Variants in CTBP2 observed in about 807,000 individuals in gnomAD.
The protein encoded by CTBP2 is C-terminal-binding protein 2.
Under a neutral mutation model 80.3 loss-of-function variants are expected in CTBP2, and 30 were observed. That is an observed-to-expected ratio of 0.37 (90% CI 0.28 to 0.51). CTBP2 has a LOEUF of 0.51. Among genes scored for constraint, CTBP2 ranks in the 20% least tolerant of loss-of-function variants. The pLI is 0.93. For missense variants in CTBP2, 1,212 were observed against 1,375.3 expected, an observed-to-expected ratio of 0.88 and a Z score of 1.88; for synonymous variants, 594 against 587.4, an observed-to-expected ratio of 1.01 and a Z score of -0.16.
At chr10:125,124,995 G>A (rs1223653819) in intron 1 of CTBP2, among the ~76,000 whole-genome samples, 1 of 152,168 alleles carries the variant, frequency 6.6e-6, no homozygotes, top group Non-Finnish European at 1.5e-5. Context: ...CAGACGCACG[G>A]CACTCAGATG....
intron 2 of CTBP2, among the ~76,000 whole-genome samples, chr10:125,051,015 C>A (rs979378282): frequency 3.3e-5 from 5 of 152,184 alleles, no homozygotes; most frequent in Non-Finnish European, 7.3e-5. Flanking sequence ...TCGTGAGCTA[C>A]CATCAGGGAT....
At chr10:125,061,863 G>A (rs564449546) in intron 2 of CTBP2, among the ~76,000 whole-genome samples, 2 of 152,286 alleles carry the variant, frequency 1.3e-5, no homozygotes, top group Admixed American at 1.3e-4. Flanking sequence ...CACTGTTCCC[G>A]TCACTTTGCA....
At chr10:125,009,487 C>T (rs77610480) in intron 1 of CTBP2, among the ~76,000 whole-genome samples, 2,953 of 152,316 alleles carry the variant, frequency 0.019, 105 homozygotes, top group African/African-American at 0.066. Context: ...AATATCCCAC[C>T]GATCCCACCA....
chr10:125,001,807 G>T (rs1184594881), intron 3 of CTBP2, among the ~76,000 whole-genome samples: 1 of 152,158 alleles, frequency 6.6e-6, no homozygotes, highest in African/African-American at 2.4e-5. Context: ...GTGCTGCCCC[G>T]ACTGGCCGTG....
At chr10:125,034,081 A>C (rs10901851) in intron 3 of CTBP2, among the ~76,000 whole-genome samples, 29,770 of 152,214 alleles carry the variant, frequency 0.2, 3,624 homozygotes, top group East Asian at 0.28. Context: ...AGTGGTGAGT[A>C]TGAAGACATC....
intron 2 of CTBP2, chr10:125,100,495 C>T (rs1475095441): frequency 1.3e-5 from 2 of 151,908 alleles, no homozygotes; most frequent in East Asian, 1.9e-4. Context: ...CGTGCACACA[C>T]GTACACAAAT....
At chr10:125,112,430 GTTT>G (rs59714965) in intron 1 of CTBP2, among the ~76,000 whole-genome samples, 2 of 92,342 alleles carry the variant, frequency 2.2e-5, no homozygotes, top group African/African-American at 7.7e-5. Context: ...TACCTTTTTC[GTTT>G]TTTTTTTTTT....
At chr10:125,149,137 C>T (rs1170499184) in intron 1 of CTBP2, among the ~76,000 whole-genome samples, 1 of 152,160 alleles carries the variant, frequency 6.6e-6, no homozygotes, top group African/African-American at 2.4e-5. Context: ...ACAGGGGACA[C>T]ACCATAGACA....
At chr10:125,023,712 T>C (rs1034556352) in intron 1 of CTBP2, among the ~76,000 whole-genome samples, 3 of 152,214 alleles carry the variant, frequency 2.0e-5, no homozygotes, top group Non-Finnish European at 4.4e-5. Flanking sequence ...AATAGGAGCC[T>C]ATTGTGTGTA....
At chr10:125,114,711 G>T (rs1852911327) in intron 1 of CTBP2, among the ~76,000 whole-genome samples, 1 of 152,128 alleles carries the variant, frequency 6.6e-6, no homozygotes, top group Admixed American at 6.5e-5. Context: ...CCTTCCAGGA[G>T]GACTGGGCCT....
intron 2 of CTBP2, among the ~76,000 whole-genome samples, chr10:125,065,750 G>A (rs921918614): frequency 6.6e-6 from 1 of 152,132 alleles, no homozygotes; most frequent in Non-Finnish European, 1.5e-5. Flanking sequence ...AAGAAGCTGA[G>A]GGTCACTGTC....
chr10:125,045,689 C>T (rs550291084), intron 2 of CTBP2, among the ~76,000 whole-genome samples: 3 of 152,316 alleles, frequency 2.0e-5, no homozygotes, highest in South Asian at 4.1e-4. Flanking sequence ...CAGGGTTTCA[C>T]CACGTTGGCC....
chr10:125,008,175 A>G (rs575986615), intron 1 of CTBP2, among the ~76,000 whole-genome samples: 1 of 152,264 alleles, frequency 6.6e-6, no homozygotes, highest in South Asian at 2.1e-4. Context: ...CGAACCCCTG[A>G]CCTCAGGTGA....
At chr10:125,100,989 C>G (rs1850531258) in intron 2 of CTBP2, among the ~76,000 whole-genome samples, 1 of 152,146 alleles carries the variant, frequency 6.6e-6, no homozygotes, top group Admixed American at 6.5e-5. Flanking sequence ...ATGGCCAGAA[C>G]TTTTAATAAA....
intron 3 of CTBP2, among the ~76,000 whole-genome samples, chr10:125,037,517 G>A (rs1242404005): frequency 2.6e-5 from 4 of 152,214 alleles, no homozygotes; most frequent in African/African-American, 9.7e-5. Context: ...AACCTATACT[G>A]TGGAATAGTC....
intron 1 of CTBP2, chr10:125,026,000 T>G (rs1957493646): frequency 6.7e-7 from 1 of 1,498,018 alleles, no homozygotes; most frequent in South Asian, 1.3e-5. Context: ...GGACTTGCCA[T>G]CCTATGTTCA....
rs534820991 is a variant in CTBP2 at position 124,998,293 on chromosome 10, T to G, written c.1979-123A>C. 95 of 1,127,680 alleles carry G rather than the reference T, an allele frequency of 8.4e-5. 1 individual carries two copies. In the South Asian group the frequency reaches 1.4e-3, roughly 17 times the overall value. 69.9% of individuals were successfully genotyped at this position (1,127,680 alleles called of 1,614,324 possible). On this transcript the variant is annotated intron_variant, in intron 3 of 8. Coordinates refer to ENST00000309035, the MANE Select transcript of CTBP2 (RefSeq NM_022802.3). ...GCACCGGGGGAGGCCCACCTTATCG[T>G]CTAGCAGACGCGGGGCTGGGCACGT...
intron 1 of CTBP2, among the ~76,000 whole-genome samples, chr10:125,116,014 T>G (rs1375386934): frequency 6.6e-6 from 1 of 152,012 alleles, no homozygotes; most frequent in African/African-American, 2.4e-5. Flanking sequence ...GACCTCAAAC[T>G]CCTGGATCCT....
rs997739109 is a variant in CTBP2 at position 124,989,567 on chromosome 10, T to C, written c.2909A>G (p.Asn970Ser). The change falls in exon 9 of 9, where the codon AAC (asparagine) becomes AGC (serine). Residue 970 changes from asparagine (N) to serine (S), a missense_variant. Asn to Ser is a conservative substitution (Grantham distance 46). Around this residue, in one of 3 missense-constraint regions of CTBP2, gnomAD observed 335 missense variants for 504.7 expected, o/e 0.66. Coordinates refer to ENST00000309035, the MANE Select transcript of CTBP2 (RefSeq NM_022802.3). ...ATTGTCCCCGTGTTTTGTGGGCTGG[T>C]TGGGAGAGGGCGCTTGGGAAGGATG... 10 of 1,613,394 alleles carry C rather than the reference T, an allele frequency of 6.2e-6. No individual in the cohort carries two copies. Among genetic ancestry groups the C allele is most frequent in the Non-Finnish European group, 7.6e-6 (9 of 1,179,830 alleles).
Sources: gnomAD v4.1 joint callset for allele counts (sites outside exome capture counted in the v4.1 genomes callset) on GRCh38, gnomAD v4.1.1 for gene constraint, gnomAD v4.1.1 regional missense constraint, MANE v1.5 for transcripts, NCBI Gene and HGNC (gene_info 2026-07-23, HGNC 2026-07-21) for gene names.